Variants in RHAG observed in about 807,000 individuals in gnomAD.
RHAG encodes Rh associated glycoprotein.
A neutral mutation model predicts 42.4 loss-of-function variants in RHAG; 25 were observed. The ratio of observed to expected loss-of-function variants is 0.59; its 90% CI spans 0.43 to 0.82. RHAG has a LOEUF of 0.82. Ranked by LOEUF, RHAG falls within the 40% of genes least tolerant of loss-of-function variation. RHAG has a pLI of 0.00. For missense variants in RHAG, 483 were observed against 504.6 expected (o/e 0.96, Z 0.41); for synonymous variants, 182 against 177.7 (o/e 1.02, Z -0.19).
intron 1 of RHAG, among the ~76,000 whole-genome samples, chr6:49,624,941 T>A (rs6904365): frequency 0.23 from 34,300 of 152,170 alleles, 4,212 homozygotes; most frequent in African/African-American, 0.32. Context: ...TGTGTAAAAA[T>A]CAATTTTATC....
At chr6:49,623,890 A>G (rs1762801614) in intron 1 of RHAG, among the ~76,000 whole-genome samples, 1 of 152,192 alleles carries the variant, frequency 6.6e-6, no homozygotes, top group Non-Finnish European at 1.5e-5. Context: ...TTACTTAAAA[A>G]TTTCTGCCCA....
At chr6:49,615,880 A>G (rs1762644247) in intron 3 of RHAG, 109 bp from the exon 4 acceptor site, 1 of 1,072,182 alleles carries the variant, frequency 9.3e-7, no homozygotes, top group Non-Finnish European at 1.4e-6. Flanking sequence ...TAAAAAAATT[A>G]AAGAGGGACA....
intron 1 of RHAG, among the ~76,000 whole-genome samples, chr6:49,619,618 C>T (rs1305439307): frequency 1.3e-5 from 2 of 152,184 alleles, no homozygotes; most frequent in Non-Finnish European, 2.9e-5. Context: ...GTCTTTCATC[C>T]TGTCCCTGAG....
At chr6:49,622,843 T>G (rs1289876281) in intron 1 of RHAG, among the ~76,000 whole-genome samples, 9 of 144,584 alleles carry the variant, frequency 6.2e-5, no homozygotes, top group Admixed American at 6.2e-4. Context: ...TTTTTTTTTT[T>G]GTTTTGTTTT....
intron 3 of RHAG, 63 bp downstream of exon 3, chr6:49,618,005 T>C (rs1762682455): frequency 6.7e-7 from 1 of 1,485,068 alleles, no homozygotes; most frequent in Admixed American, 1.7e-5. Flanking sequence ...TAGACACCCA[T>C]TGTTTTTTTG....
rs376532157 is a variant in RHAG at position 49,618,222 on chromosome 6, A to C, written c.342-4T>G. 7.2e-5 allele frequency: 116 copies of C among 1,613,984 alleles called. No individual in the cohort carries two copies. Among genetic ancestry groups the C allele is most frequent in the Non-Finnish European group, 7.0e-5 (83 of 1,180,016 alleles). ...ACTGAAGTCTGCATTTATCATGCTG[A>C]AGGGAAACAAGAATAAATTGAAGAG... On this transcript the variant is annotated splice_region_variant and splice_polypyrimidine_tract_variant and intron_variant, in intron 2 of 9. Coordinates refer to ENST00000371175, the MANE Select transcript of RHAG (RefSeq NM_000324.3).
rs751343833 is a variant in RHAG, at chr6:49,614,873, G to A, written c.641-20C>T. 1.9e-6 allele frequency: 3 copies of A among 1,612,536 alleles called. No individual in the cohort carries two copies. Among genetic ancestry groups the A allele is most frequent in the South Asian group, 1.1e-5 (1 of 91,048 alleles). On this transcript the variant is annotated intron_variant, in intron 4 of 9. Coordinates refer to ENST00000371175, the MANE Select transcript of RHAG (RefSeq NM_000324.3). Reference sequence around the variant, plus strand: ...GAGTCCCTGTAGTGAACCAAAAGAGGGGATATTAGTTCTGAATATGGAAGA... The same window carrying A: ...GAGTCCCTGTAGTGAACCAAAAGAGAGGATATTAGTTCTGAATATGGAAGA...
At chr6:49,628,135 GACACAC>G (rs57969448) in intron 1 of RHAG, among the ~76,000 whole-genome samples, 31,467 of 135,526 alleles carry the variant, frequency 0.23, 3,497 homozygotes, top group East Asian at 0.33. Context: ...GTGTGTGTGA[GACACAC>G]ACACACACAC....
rs938933640 is a variant in RHAG, at chr6:49,605,525, T to G, written c.*288A>C. The G allele has an allele frequency of 2.0e-5, 10 of 489,522 alleles. No individual in the cohort carries two copies. The highest frequency in any genetic ancestry group is 2.0e-4 in the African/African-American group (10 of 51,254). The allele number at this position is 489,522 out of a possible 1,614,324, so 30.3% of individuals were successfully genotyped here. A position where few individuals can be genotyped will look rare whatever the true frequency, so the allele number is the denominator to read the frequency against. ...TGTATTTACTCACTGCCAAAAGCTT[T>G]TTGGGAATCCTGGAGAAGATCTATT... On this transcript the variant is annotated 3_prime_UTR_variant, in exon 10 of 10. Coordinates refer to ENST00000371175, the MANE Select transcript of RHAG (RefSeq NM_000324.3).
chr6:49,622,993 G>A (rs1056192041), intron 1 of RHAG, among the ~76,000 whole-genome samples: 3 of 150,994 alleles, frequency 2.0e-5, no homozygotes, highest in Non-Finnish European at 2.9e-5. Context: ...CCGCCACTAC[G>A]CCTGGCTAAT....
At chr6:49,607,126 G>A in intron 8 of RHAG, 24 bp downstream of exon 8, 6 of 1,581,012 alleles carry the variant, frequency 3.8e-6, no homozygotes, top group Non-Finnish European at 5.2e-6. Flanking sequence ...AAGATACAGG[G>A]AAGTGTTCAC....
rs374942115 is a variant in RHAG, at chr6:49,628,760, G to C, written c.157+7896C>G. On this transcript the variant is annotated intron_variant, in intron 1 of 9. Transcript: ENST00000371175. ...TAAGGTGGCGCGTCTCGAGTTGTTC[G>C]TTCCTCCCGGTGGGCTCGTGGTCTC... 2.4e-3 allele frequency among the ~76,000 whole-genome samples: 371 copies of C among 151,660 alleles called. 3 individuals carry two copies. The highest frequency in any genetic ancestry group is 8.2e-3 in the African/African-American group (337 of 41,202).
chr6:49,632,401 T>C (rs1762947668), intron 1 of RHAG, among the ~76,000 whole-genome samples: 1 of 152,222 alleles, frequency 6.6e-6, no homozygotes, highest in South Asian at 2.1e-4. Flanking sequence ...TGACAGTATT[T>C]ATAGCTATGA....
rs1385211640 is a variant in RHAG, at chr6:49,636,216, C to G, written c.157+440G>C. ...AACTTCCTACATCATACTAAATACC[C>G]CTTCTTATTCCTTAGGGTCCTCACA... On this transcript the variant is annotated intron_variant, in intron 1 of 9. Transcript: ENST00000371175. Among the ~76,000 whole-genome samples the G allele has an allele frequency of 2.0e-5, 3 of 151,990 alleles. No individual in the cohort carries two copies. The South Asian group carries it at 6.2e-4, about 32-fold the overall frequency.
At position 49,632,369 on chromosome 6, in the gene RHAG, C is replaced by CT. The variant is rs1469406630; in HGVS notation, c.157+4286dup. Among the ~76,000 whole-genome samples the CT allele has an allele frequency of 2.6e-5, 4 of 152,084 alleles. No homozygotes were observed. The East Asian group carries it at 7.7e-4, about 29-fold the overall frequency. Reference sequence around the variant, plus strand: ...TTTCTGAAAAATGCATGAAATGAGGCTATCATCTCAATTTAAAGAACTGAC... The same window carrying CT: ...TTTCTGAAAAATGCATGAAATGAGGCTTATCATCTCAATTTAAAGAACTGAC... On this transcript the variant is annotated intron_variant, in intron 1 of 9. Coordinates refer to ENST00000371175, the MANE Select transcript of RHAG (RefSeq NM_000324.3).
chr6:49,622,364 G>A (rs867500934), intron 1 of RHAG, among the ~76,000 whole-genome samples: 11 of 152,040 alleles, frequency 7.2e-5, no homozygotes, highest in Middle Eastern at 3.4e-3. Flanking sequence ...TTACAGGTAT[G>A]GGCCACCATG....
chr6:49,632,381 T>C (rs1347503176), intron 1 of RHAG, among the ~76,000 whole-genome samples: 1 of 152,202 alleles, frequency 6.6e-6, no homozygotes, highest in African/African-American at 2.4e-5. Context: ...ATCATCTCAA[T>C]TTAAAGAACT....
At chr6:49,609,964 C>T (rs576064361) in intron 7 of RHAG, among the ~76,000 whole-genome samples, 64 of 152,096 alleles carry the variant, frequency 4.2e-4, no homozygotes, top group Non-Finnish European at 7.6e-4. Flanking sequence ...CACACTAACA[C>T]GGGAACAGAA....
Position 49,605,520 on chromosome 6 carries a change from A to G in RHAG, c.*293T>C. ...TACTCTGTATTTACTCACTGCCAAA[A>G]GCTTTTTGGGAATCCTGGAGAAGAT... On this transcript the variant is annotated 3_prime_UTR_variant, in exon 10 of 10. Transcript: ENST00000371175. 1 of 482,738 alleles carries G rather than the reference A, an allele frequency of 2.1e-6. No individual in the cohort carries two copies. Among genetic ancestry groups the G allele is most frequent in the South Asian group, 2.2e-5 (1 of 46,236 alleles). The allele number at this position is 482,738 out of a possible 1,614,324, so 29.9% of individuals were successfully genotyped here. A position where few individuals can be genotyped will look rare whatever the true frequency, so the allele number is the denominator to read the frequency against.
Sources: gnomAD v4.1 joint callset for allele counts (sites outside exome capture counted in the v4.1 genomes callset) on GRCh38, gnomAD v4.1.1 for gene constraint, MANE v1.5 for transcripts, NCBI Gene and HGNC (gene_info 2026-07-23, HGNC 2026-07-21) for gene names.